The following TSPEAR variants were observed in gnomAD, a reference collection of about 807,000 sequenced individuals.
TSPEAR encodes the protein thrombospondin type laminin G domain and EAR repeats.
TSPEAR carries 69 observed loss-of-function variants against 71.6 expected under a neutral mutation model. The observed-to-expected ratio is 0.96, with a 90% CI of 0.79 to 1.18. The LOEUF (loss-of-function observed/expected upper bound fraction) is 1.18, where lower values mean the gene tolerates loss of function less well. TSPEAR is among the 50% of genes most tolerant of loss of function. TSPEAR has a pLI of 0.00. For synonymous variants in TSPEAR, 402 were observed against 387.2 expected (o/e 1.04, Z -0.45); for missense variants, 971 against 894.9 (o/e 1.09, Z -1.09).
intron 1 of TSPEAR, chr21:44,600,899 C>A (rs782671078): frequency 1.2e-5 from 20 of 1,612,136 alleles, no homozygotes; most frequent in Non-Finnish European, 5.9e-6. Context: ...TGCCAGCAGT[C>A]TAGCTGCCAG....
intron 2 of TSPEAR, chr21:44,540,260 TCTG>T (rs1231250671): frequency 1.7e-5 from 26 of 1,520,686 alleles, no homozygotes; most frequent in Middle Eastern, 4.8e-4. Context: ...TTCGTGGGGC[TCTG>T]CTTTTATACC....
At chr21:44,678,118 G>A (rs1035960129) in intron 1 of TSPEAR, 28 of 610,526 alleles carry the variant, frequency 4.6e-5, no homozygotes, top group Non-Finnish European at 5.7e-5. Context: ...TGGTGGATGC[G>A]GGAGCTGCCA....
chr21:44,643,367 G>A lies in TSPEAR; in HGVS notation c.82+68066C>T, dbSNP rs587691988. On this transcript the variant is annotated intron_variant, in intron 1 of 11. Coordinates refer to ENST00000323084, the MANE Select transcript of TSPEAR (RefSeq NM_144991.3). ...AGGACAGTTGACTGTAACACAGAAC[G>A]CAACATAGTAACACCGAAATCTGCT... 5.2e-4 allele frequency among the ~76,000 whole-genome samples: 79 copies of A among 152,202 alleles called. No homozygotes were observed. In the South Asian group the frequency reaches 7.7e-3, roughly 15 times the overall value.
intron 1 of TSPEAR, among the ~76,000 whole-genome samples, chr21:44,640,515 G>A (rs1983965628): frequency 6.6e-6 from 1 of 152,230 alleles, no homozygotes; most frequent in South Asian, 2.1e-4. Flanking sequence ...TGCACTTACA[G>A]TGGGTGAACT....
In TSPEAR at chr21:44,511,361, TAC is replaced by T. The variant is rs141434621; in HGVS notation, c.1567-1977_1567-1976del. Among the ~76,000 whole-genome samples the T allele has an allele frequency of 9.1e-3, 1,377 of 150,932 alleles. 9 individuals carry two copies. The highest frequency in any genetic ancestry group is 0.013 in the Non-Finnish European group (909 of 67,988). Reference sequence around the variant, plus strand: ...CACACAAACATGCATATGCACTGTGTACACACACACATATATGCTTACATTTT... The same window carrying T: ...CACACAAACATGCATATGCACTGTGTACACACACATATATGCTTACATTTT... On this transcript the variant is annotated intron_variant, in intron 9 of 11. Coordinates refer to ENST00000323084, the MANE Select transcript of TSPEAR (RefSeq NM_144991.3).
At chr21:44,637,313 C>T (rs1555936899) in intron 1 of TSPEAR, 2 of 1,444,730 alleles carry the variant, frequency 1.4e-6, no homozygotes, top group East Asian at 4.6e-5. Flanking sequence ...AAACACAGGC[C>T]CTGGGCATAT....
At chr21:44,665,545 C>T (rs1985706851) in intron 1 of TSPEAR, among the ~76,000 whole-genome samples, 1 of 152,202 alleles carries the variant, frequency 6.6e-6, no homozygotes, top group African/African-American at 2.4e-5. Flanking sequence ...AATTAGAAAA[C>T]ACCCATTTCA....
chr21:44,573,367 G>A (rs944382101), intron 1 of TSPEAR, among the ~76,000 whole-genome samples: 2 of 149,614 alleles, frequency 1.3e-5, no homozygotes, highest in Non-Finnish European at 3.0e-5. Flanking sequence ...GCACACACAC[G>A]GCAGAGCCAC....
At chr21:44,666,555 C>G (rs1985773212) in intron 1 of TSPEAR, 1 of 1,599,676 alleles carries the variant, frequency 6.3e-7, no homozygotes, top group African/African-American at 1.3e-5. Context: ...CACGACAGGC[C>G]TGCAGCTCAC....
At chr21:44,525,346 GAGTT>G (rs782060074) in intron 8 of TSPEAR, among the ~76,000 whole-genome samples, 38 of 152,004 alleles carry the variant, frequency 2.5e-4, no homozygotes, top group Admixed American at 1.9e-3. Flanking sequence ...GGTAGTCAGT[GAGTT>G]AGGTAGTTAA....
chr21:44,503,883 CAG>C (rs1315850980), intron 11 of TSPEAR, among the ~76,000 whole-genome samples: 3 of 134,706 alleles, frequency 2.2e-5, no homozygotes, highest in Admixed American at 2.2e-4. Context: ...GGTGAGCCCA[CAG>C]GGGGGAAGCA....
chr21:44,704,249 A>C lies in TSPEAR; in HGVS notation c.82+7184T>G, dbSNP rs563229614. 6.9e-4 allele frequency among the ~76,000 whole-genome samples: 102 copies of C among 146,884 alleles called. No homozygotes were observed. The Middle Eastern group carries it at 0.01, about 15-fold the overall frequency. On this transcript the variant is annotated intron_variant, in intron 1 of 11. Transcript: ENST00000323084. Reference sequence around the variant, plus strand: ...TGCCCCCTGCTTCCCTGGGTACCCCACCCCCCCACCACTCTCCAGGGGTCC... The same window carrying C: ...TGCCCCCTGCTTCCCTGGGTACCCCCCCCCCCCACCACTCTCCAGGGGTCC...
In TSPEAR at chr21:44,695,713, G is replaced by T. The variant is rs540238858; in HGVS notation, c.82+15720C>A. 3.9e-5 allele frequency among the ~76,000 whole-genome samples: 6 copies of T among 152,236 alleles called. No individual in the cohort carries two copies. The highest frequency in any genetic ancestry group is 1.4e-4 in the African/African-American group (6 of 41,546). ...CCACGGATGACAGCTAACACTCCAC[G>T]CCAGGGTTCTCATCTCACCGCAGCG... On this transcript the variant is annotated intron_variant, in intron 1 of 11. Coordinates refer to ENST00000323084, the MANE Select transcript of TSPEAR (RefSeq NM_144991.3). The surrounding 1 kb of genome is among the most constrained non-coding windows in gnomAD (Gnocchi z 4.5).
In TSPEAR at chr21:44,509,332, C is replaced by G; in HGVS notation, c.1621G>C (p.Ala541Pro). Residue 541 changes from alanine to proline, a missense_variant, in exon 10 of 12, where the codon GCT becomes CCT. Ala to Pro is a conservative substitution (Grantham distance 27). Transcript: ENST00000323084. Reference sequence around the variant, plus strand: ...TCGTAGCTGTGACTGTTTGCCACAGCGAGGAAGATCCTCTCCCCGATCTGG... The same window carrying G: ...TCGTAGCTGTGACTGTTTGCCACAGGGAGGAAGATCCTCTCCCCGATCTGG... ...VFQIGERIFL[A>P]VANSHSYDVE... is the part of the protein sequence containing the mutation. The G allele has an allele frequency of 2.5e-6, 4 of 1,613,946 alleles. No individual in the cohort carries two copies. Among genetic ancestry groups the G allele is most frequent in the Non-Finnish European group, 3.4e-6 (4 of 1,179,976 alleles).
At chr21:44,524,999 TCAGC>T (rs1359767485) in intron 8 of TSPEAR, among the ~76,000 whole-genome samples, 4 of 151,516 alleles carry the variant, frequency 2.6e-5, no homozygotes, top group Admixed American at 1.3e-4. Context: ...AGTGAGGCAG[TCAGC>T]CAGCCAGCCA....
intron 1 of TSPEAR, among the ~76,000 whole-genome samples, chr21:44,616,214 A>G (rs1555932395): frequency 6.6e-6 from 1 of 152,246 alleles, no homozygotes; most frequent in Non-Finnish European, 1.5e-5. Context: ...GATCCCTGCC[A>G]GGGTCACCTC....
intron 9 of TSPEAR, chr21:44,517,950 CTTTTT>C: frequency 2.3e-6 from 1 of 428,136 alleles, no homozygotes; most frequent in Non-Finnish European, 4.8e-6. Flanking sequence ...TCACCCTCTT[CTTTTT>C]TTTCTAGAAC....
intron 2 of TSPEAR, chr21:44,551,178 G>T: frequency 6.4e-7 from 1 of 1,568,356 alleles, no homozygotes. Context: ...CTGCTGGCAG[G>T]GGGAGGAGGT....
chr21:44,702,943 G>A (rs558427894), intron 1 of TSPEAR, among the ~76,000 whole-genome samples: 2 of 152,214 alleles, frequency 1.3e-5, no homozygotes, highest in East Asian at 1.9e-4. Context: ...CTACAACCAC[G>A]GCTTACCTAT....
Sources: allele counts gnomAD v4.1 joint callset (sites outside exome capture counted in the v4.1 genomes callset), GRCh38; gene constraint gnomAD v4.1.1; non-coding constraint Gnocchi (gnomAD v3.1); transcripts MANE v1.5; gene names NCBI Gene and HGNC (gene_info 2026-07-23, HGNC 2026-07-21).